Variants in LTBP1 observed in about 807,000 individuals in gnomAD.
LTBP1 encodes the protein latent transforming growth factor beta binding protein 1.
A neutral mutation model predicts 207.6 loss-of-function variants in LTBP1; 129 were observed. The ratio of observed to expected loss-of-function variants is 0.62; its 90% confidence interval spans 0.54 to 0.72. LTBP1 has a LOEUF of 0.72. LTBP1 is among the 30% of genes least tolerant of loss of function. The pLI, the probability that LTBP1 is intolerant of heterozygous loss-of-function variation, is 0.00. For missense variants in LTBP1, 2,281 were observed against 2,217.2 expected (o/e 1.03, Z -0.58); for synonymous variants, 963 against 833.7 (o/e 1.16, Z -2.67).
chr2:33,058,375 A>G (rs1478999088), intron 3 of LTBP1, among the ~76,000 whole-genome samples: 2 of 152,332 alleles, frequency 1.3e-5, no homozygotes, highest in Non-Finnish European at 2.9e-5. Context: ...CCTTTGTTTT[A>G]CAGATGAGAA....
At chr2:33,295,221 C>A (rs1345855911) in intron 20 of LTBP1, among the ~76,000 whole-genome samples, 1 of 151,632 alleles carries the variant, frequency 6.6e-6, no homozygotes, top group East Asian at 1.9e-4. Context: ...TCAATGTATA[C>A]GAACTCTTTA....
chr2:33,066,240 A>G (rs2077502576), intron 3 of LTBP1, among the ~76,000 whole-genome samples: 1 of 152,176 alleles, frequency 6.6e-6, no homozygotes, highest in African/African-American at 2.4e-5. Flanking sequence ...ATACAATTGT[A>G]TTGAATCACA....
chr2:33,313,157 G>T (rs1172602813), intron 23 of LTBP1, among the ~76,000 whole-genome samples: 1 of 152,204 alleles, frequency 6.6e-6, no homozygotes, highest in East Asian at 1.9e-4. Flanking sequence ...AGTAGAAAAT[G>T]ATTCATTGAC....
chr2:33,202,280 C>G (rs937650073), intron 7 of LTBP1, among the ~76,000 whole-genome samples: 9 of 152,028 alleles, frequency 5.9e-5, no homozygotes, highest in African/African-American at 2.2e-4. Flanking sequence ...TGGACAAAAG[C>G]CAGTAAGAAG....
chr2:33,223,198 C>T (rs780815590), intron 9 of LTBP1, among the ~76,000 whole-genome samples: 38 of 152,320 alleles, frequency 2.5e-4, no homozygotes, highest in Non-Finnish European at 5.0e-4. Context: ...GATTGTCTAT[C>T]ACCCTATTCA....
chr2:33,380,310 C>T (rs2095197317), intron 31 of LTBP1, among the ~76,000 whole-genome samples: 1 of 151,892 alleles, frequency 6.6e-6, no homozygotes, highest in South Asian at 2.1e-4. Flanking sequence ...GATGCAGTGG[C>T]TCACACCTGT....
chr2:33,346,253 A>G (rs926275065), intron 25 of LTBP1, among the ~76,000 whole-genome samples: 2 of 152,188 alleles, frequency 1.3e-5, no homozygotes, highest in African/African-American at 4.8e-5. Context: ...TGTAATCTGA[A>G]TTCTATTGAT....
chr2:33,169,605 T>C (rs1426069537), intron 5 of LTBP1, among the ~76,000 whole-genome samples: 1 of 152,144 alleles, frequency 6.6e-6, no homozygotes, highest in Non-Finnish European at 1.5e-5. Flanking sequence ...ATTGAAACCA[T>C]AGAACATATA....
intron 3 of LTBP1, among the ~76,000 whole-genome samples, chr2:33,093,442 C>T (rs219123): frequency 6.6e-6 from 1 of 151,926 alleles, no homozygotes; most frequent in African/African-American, 2.4e-5. Context: ...ACAATTCAAG[C>T]ATTTTGAAAC....
intron 25 of LTBP1, among the ~76,000 whole-genome samples, chr2:33,347,135 A>C (rs927905561): frequency 6.6e-6 from 1 of 151,916 alleles, no homozygotes; most frequent in African/African-American, 2.4e-5. Context: ...AAAAAAAAAA[A>C]AAAAAACCTA....
At chr2:33,034,007 G>C (rs946680712) in intron 3 of LTBP1, among the ~76,000 whole-genome samples, 2 of 152,184 alleles carry the variant, frequency 1.3e-5, no homozygotes, top group African/African-American at 4.8e-5. Context: ...CTCCCTGGGG[G>C]ACAGGAGAGC....
At chr2:33,100,345 G>A (rs992388633) in intron 3 of LTBP1, among the ~76,000 whole-genome samples, 2 of 152,144 alleles carry the variant, frequency 1.3e-5, no homozygotes, top group East Asian at 1.9e-4. Context: ...TACCTAAAAG[G>A]GGATAAAGAC....
chr2:33,271,219 A>G (rs1448343208), intron 15 of LTBP1, among the ~76,000 whole-genome samples: 3 of 152,190 alleles, frequency 2.0e-5, no homozygotes, highest in Non-Finnish European at 2.9e-5. Flanking sequence ...CTACTCATCA[A>G]GCTTTTCATG....
intron 7 of LTBP1, among the ~76,000 whole-genome samples, chr2:33,212,704 G>A (rs2090401402): frequency 6.6e-6 from 1 of 152,070 alleles, no homozygotes; most frequent in Non-Finnish European, 1.5e-5. Context: ...ATGATTTGTA[G>A]CCTTTAGTCC....
At position 33,271,533 on chromosome 2, in the gene LTBP1, T is replaced by A. The variant is rs77017240; in HGVS notation, c.2618-2123T>A. Among the ~76,000 whole-genome samples, 39 of 151,178 alleles carry A rather than the reference T, an allele frequency of 2.6e-4. 1 individual carries two copies. In the East Asian group the frequency reaches 7.8e-3, roughly 30 times the overall value. Reference sequence around the variant, plus strand: ...TACCTGAAAGTCCATGAGTATAACCTGGTGAAGATTACCTTTTACCTTCAG... The same window carrying A: ...TACCTGAAAGTCCATGAGTATAACCAGGTGAAGATTACCTTTTACCTTCAG... On this transcript the variant is annotated intron_variant, in intron 15 of 33. Coordinates refer to ENST00000404816, the MANE Select transcript of LTBP1 (RefSeq NM_206943.4).
intron 3 of LTBP1, among the ~76,000 whole-genome samples, chr2:33,106,722 C>G (rs533331544): frequency 6.6e-6 from 1 of 151,974 alleles, no homozygotes; most frequent in African/African-American, 2.4e-5. Context: ...TTGTAGAGCA[C>G]AGGCAGAGTA....
Position 33,307,560 on chromosome 2 carries a change from A to T in LTBP1, c.3482-1874A>T, listed in dbSNP as rs533603205. 6.8e-4 allele frequency among the ~76,000 whole-genome samples: 103 copies of T among 152,350 alleles called. 2 individuals are homozygous for T. The highest frequency in any genetic ancestry group is 2.4e-3 in the African/African-American group (98 of 41,584). ...GCACAAAAGGAGTGAGAGGGAATGT[A>T]TTGGGGATGGAAATGCCTGTTCCTT... On this transcript the variant is annotated intron_variant, in intron 22 of 33. Transcript: ENST00000404816.
chr2:32,967,660 C>T (rs1324054206), intron 2 of LTBP1, among the ~76,000 whole-genome samples: 1 of 152,026 alleles, frequency 6.6e-6, no homozygotes, highest in East Asian at 1.9e-4. Context: ...TAGTTTAATT[C>T]CATTGTGACC....
chr2:33,075,260 A>G (rs1465318928), intron 3 of LTBP1, among the ~76,000 whole-genome samples: 1 of 152,208 alleles, frequency 6.6e-6, no homozygotes, highest in East Asian at 1.9e-4. Context: ...TTTGATTCAA[A>G]TATTGTGTAT....
Sources: gnomAD v4.1 joint callset for allele counts (sites outside exome capture counted in the v4.1 genomes callset) on GRCh38, gnomAD v4.1.1 for gene constraint, MANE v1.5 for transcripts, NCBI Gene and HGNC (gene_info 2026-07-23, HGNC 2026-07-21) for gene names.